UBE2K: variants seen among roughly 807,000 people sequenced by gnomAD.
The protein encoded by UBE2K is ubiquitin conjugating enzyme E2 K.
UBE2K carries 6 observed loss-of-function variants against 30.0 expected under a neutral mutation model. The observed-to-expected ratio is 0.20, with a 90% CI of 0.11 to 0.39. The LOEUF is 0.39. UBE2K is among the 10% of genes least tolerant of loss of function. UBE2K has a pLI of 1.00. For synonymous variants in UBE2K, 86 were observed against 83.7 expected, an observed-to-expected ratio of 1.03 and a Z score of -0.15; for missense variants, 61 against 241.6, an observed-to-expected ratio of 0.25 and a Z score of 4.96.
intron 4 of UBE2K, among the ~76,000 whole-genome samples, chr4:39,768,792 A>G (rs531253855): frequency 7.1e-4 from 108 of 152,180 alleles, no homozygotes; most frequent in Non-Finnish European, 1.4e-3. Flanking sequence ...ATCATCACCA[A>G]CACTTGTTCA....
At chr4:39,743,603 C>G (rs1009759437) in intron 2 of UBE2K, among the ~76,000 whole-genome samples, 3 of 112,580 alleles carry the variant, frequency 2.7e-5, no homozygotes, top group Non-Finnish European at 6.1e-5. Context: ...GACTCCGTCT[C>G]AAAAAAAAAA....
chr4:39,754,706 A>G (rs745937768), intron 3 of UBE2K, among the ~76,000 whole-genome samples: 4 of 152,070 alleles, frequency 2.6e-5, no homozygotes, highest in African/African-American at 7.2e-5. Context: ...TGGTCTCACT[A>G]TGTTGCCCAG....
At chr4:39,754,392 A>C (rs939892460) in intron 3 of UBE2K, among the ~76,000 whole-genome samples, 5 of 152,228 alleles carry the variant, frequency 3.3e-5, no homozygotes, top group African/African-American at 1.2e-4. Flanking sequence ...TAGATTGAAT[A>C]TGAGTTAGCA....
chr4:39,698,259 G>A lies in UBE2K; in HGVS notation c.-69G>A. The A allele has an allele frequency of 6.8e-7, 1 of 1,467,538 alleles. No individual in the cohort carries two copies. Among genetic ancestry groups the A allele is most frequent in the African/African-American group, 1.4e-5 (1 of 72,260 alleles). 90.9% of individuals were successfully genotyped at this position (1,467,538 alleles called of 1,614,324 possible). A position where few individuals can be genotyped will look rare whatever the true frequency, so the allele number is the denominator to read the frequency against. The stretch of plus-strand genomic sequence containing the variant: ...CGAGGGAGGAGGCGGTGGAGGAAGA[G>A]GTGGCGGCGGTGGCGGTGGTCGTAG... On this transcript the variant is annotated 5_prime_UTR_variant, in exon 1 of 7. Coordinates refer to ENST00000261427, the MANE Select transcript of UBE2K (RefSeq NM_005339.5).
chr4:39,725,298 T>G (rs1421705014), intron 1 of UBE2K, among the ~76,000 whole-genome samples: 1 of 144,030 alleles, frequency 6.9e-6, no homozygotes, highest in Non-Finnish European at 1.5e-5. Context: ...TAGGATCATC[T>G]GAACCCGGGA....
At chr4:39,709,767 A>T (rs1247783388) in intron 1 of UBE2K, among the ~76,000 whole-genome samples, 1 of 152,068 alleles carries the variant, frequency 6.6e-6, no homozygotes, top group Non-Finnish European at 1.5e-5. Flanking sequence ...TAAATCGTTC[A>T]AAGTTTGTGT....
At chr4:39,756,298 C>T (rs972331217) in intron 4 of UBE2K, among the ~76,000 whole-genome samples, 1 of 152,180 alleles carries the variant, frequency 6.6e-6, no homozygotes, top group Non-Finnish European at 1.5e-5. Context: ...TCTTGGCTCT[C>T]CAGTTTACCA....
intron 4 of UBE2K, chr4:39,771,005 T>C (rs1712773526): frequency 6.2e-7 from 1 of 1,610,866 alleles, no homozygotes; most frequent in South Asian, 1.1e-5. Context: ...CTGACGCTGC[T>C]CACAAGGCTA....
intron 1 of UBE2K, among the ~76,000 whole-genome samples, chr4:39,735,641 A>G (rs1720337631): frequency 6.6e-6 from 1 of 152,134 alleles, no homozygotes; most frequent in Non-Finnish European, 1.5e-5. Flanking sequence ...TCAGCCTCCC[A>G]AAGTGCTGGG....
intron 4 of UBE2K, among the ~76,000 whole-genome samples, chr4:39,761,647 G>A (rs1711953502): frequency 1.3e-5 from 2 of 152,028 alleles, no homozygotes; most frequent in African/African-American, 4.8e-5. Flanking sequence ...TGCCTGTTAG[G>A]ATTTGTTATA....
At chr4:39,700,313 G>A (rs1236434252) in intron 1 of UBE2K, among the ~76,000 whole-genome samples, 2 of 152,110 alleles carry the variant, frequency 1.3e-5, no homozygotes, top group Non-Finnish European at 2.9e-5. Context: ...CTTCAGATAA[G>A]CATCAAAAGT....
At chr4:39,731,170 G>C (rs1265470182) in intron 1 of UBE2K, among the ~76,000 whole-genome samples, 2 of 152,094 alleles carry the variant, frequency 1.3e-5, no homozygotes, top group Non-Finnish European at 2.9e-5. Flanking sequence ...TGGGATTACA[G>C]GCATGAGCCA....
At chr4:39,746,886 C>G (rs1176203571) in intron 3 of UBE2K, among the ~76,000 whole-genome samples, 1 of 152,150 alleles carries the variant, frequency 6.6e-6, no homozygotes, top group Admixed American at 6.5e-5. Context: ...AAATATAGTT[C>G]CAACTCATGT....
intron 4 of UBE2K, among the ~76,000 whole-genome samples, chr4:39,769,729 A>G (rs1560378503): frequency 1.6e-5 from 2 of 123,700 alleles, no homozygotes; most frequent in Non-Finnish European, 1.6e-5. Flanking sequence ...TCCCCTGGGC[A>G]GGCTTAGCCA....
chr4:39,732,942 C>G (rs538407707), intron 1 of UBE2K, among the ~76,000 whole-genome samples: 84 of 150,716 alleles, frequency 5.6e-4, no homozygotes, highest in African/African-American at 2.0e-3. Flanking sequence ...TCCTAGAGTA[C>G]TGGAATTACA....
rs1445587436 is a variant in UBE2K, at chr4:39,779,874, TTATC to T, written c.*1442_*1445del. The T allele has an allele frequency of 6.6e-6, 1 of 152,230 alleles. No individual in the cohort carries two copies. The highest frequency in any genetic ancestry group is 6.5e-5 in the Admixed American group (1 of 15,276). The allele number at this position is 152,230 out of a possible 1,614,324, so 9.4% of individuals were successfully genotyped here. A position where few individuals can be genotyped will look rare whatever the true frequency, so the allele number is the denominator to read the frequency against. On this transcript the variant is annotated 3_prime_UTR_variant, in exon 7 of 7. Transcript: ENST00000261427. ...AAGGTTTGCTTTCTTTAAGTGTTAT[TTATC>T]TTAAATTATAATCGTTAAATGTTTG...
At chr4:39,706,112 T>C (rs302933) in intron 1 of UBE2K, among the ~76,000 whole-genome samples, 125,984 of 152,092 alleles carry the variant, frequency 0.83, 52,727 homozygotes, top group East Asian at 0.92. Flanking sequence ...CTCAGGTTCA[T>C]GCCATTCTCC....
At chr4:39,728,827 GTT>G (rs372834149) in intron 1 of UBE2K, among the ~76,000 whole-genome samples, 1 of 128,650 alleles carries the variant, frequency 7.8e-6, no homozygotes. Flanking sequence ...TGTTTTTTTT[GTT>G]TTTTTTTTTT....
intron 3 of UBE2K, among the ~76,000 whole-genome samples, chr4:39,754,672 C>G (rs576593154): frequency 3.9e-4 from 59 of 152,160 alleles, no homozygotes; most frequent in Middle Eastern, 3.4e-3. Context: ...CCATGCCCAG[C>G]TAATTTTTTT....
Sources: allele counts gnomAD v4.1 joint callset (sites outside exome capture counted in the v4.1 genomes callset), GRCh38; gene constraint gnomAD v4.1.1; transcripts MANE v1.5; gene names NCBI Gene and HGNC (gene_info 2026-07-23, HGNC 2026-07-21).